Variants in EPC1 observed in about 807,000 individuals in gnomAD.
The protein encoded by EPC1 is enhancer of polycomb 1, also known as enhancer of polycomb homolog 1.
Under a neutral mutation model 98.4 loss-of-function variants are expected in EPC1, and 12 were observed. The observed-to-expected ratio is 0.12, with a 90% CI of 0.08 to 0.20. The LOEUF (loss-of-function observed/expected upper bound fraction) is 0.20, where lower values mean the gene tolerates loss of function less well. Among genes scored for constraint, EPC1 ranks in the 10% least tolerant of loss-of-function variants. EPC1 has a pLI of 1.00. For missense variants in EPC1, 729 were observed against 990.5 expected (o/e 0.74, Z 3.54); for synonymous variants, 357 against 363.9 (o/e 0.98, Z 0.21).
chr10:32,320,315 A>G (rs1399666869), intron 1 of EPC1, among the ~76,000 whole-genome samples: 1 of 152,164 alleles, frequency 6.6e-6, no homozygotes, highest in Non-Finnish European at 1.5e-5. Flanking sequence ...CTTACAAGTC[A>G]GTGAAAGTCT....
intron 10 of EPC1, among the ~76,000 whole-genome samples, chr10:32,275,017 A>G (rs945125509): frequency 6.6e-6 from 1 of 152,182 alleles, no homozygotes; most frequent in African/African-American, 2.4e-5. Flanking sequence ...TGGCTTTTCT[A>G]GTAGGGAATG....
intron 1 of EPC1, among the ~76,000 whole-genome samples, chr10:32,373,351 G>T (rs1209666386): frequency 6.6e-6 from 1 of 152,072 alleles, no homozygotes; most frequent in Non-Finnish European, 1.5e-5. Context: ...TTTAAAATTA[G>T]CCCACAAGTG....
chr10:32,273,329 G>A (rs1338598817), intron 10 of EPC1, 48 bp from the exon 11 acceptor site: 2 of 1,590,922 alleles, frequency 1.3e-6, no homozygotes, highest in East Asian at 4.5e-5. Flanking sequence ...CAGCTGTCAT[G>A]TATGTCTTAC....
chr10:32,352,764 T>A (rs1159355004), intron 1 of EPC1, among the ~76,000 whole-genome samples: 1 of 152,212 alleles, frequency 6.6e-6, no homozygotes, highest in Admixed American at 6.5e-5. Context: ...TATCTCAATT[T>A]TCGTGACAGC....
intron 1 of EPC1, among the ~76,000 whole-genome samples, chr10:32,312,865 AAAGAC>A (rs1361964156): frequency 6.6e-6 from 1 of 152,226 alleles, no homozygotes; most frequent in Non-Finnish European, 1.5e-5. Flanking sequence ...GCAAAATGGT[AAAGAC>A]AAGAAACAAA....
intron 1 of EPC1, among the ~76,000 whole-genome samples, chr10:32,354,695 A>G (rs1057146274): frequency 4.0e-5 from 6 of 151,114 alleles, no homozygotes; most frequent in African/African-American, 1.5e-4. Flanking sequence ...TAAATGTGTA[A>G]TGTGTAACTG....
At chr10:32,340,802 C>T (rs747896825) in intron 1 of EPC1, among the ~76,000 whole-genome samples, 6 of 152,000 alleles carry the variant, frequency 3.9e-5, no homozygotes, top group Non-Finnish European at 5.9e-5. Flanking sequence ...TGCTCTCCAG[C>T]CTGGGTGACA....
At chr10:32,325,955 C>T (rs1374322060) in intron 1 of EPC1, among the ~76,000 whole-genome samples, 2 of 151,952 alleles carry the variant, frequency 1.3e-5, no homozygotes, top group East Asian at 3.8e-4. Context: ...AAAGTCTGAC[C>T]AAATCATGGT....
intron 1 of EPC1, among the ~76,000 whole-genome samples, chr10:32,369,585 C>T (rs79062629): frequency 0.027 from 4,128 of 152,196 alleles, 193 homozygotes; most frequent in African/African-American, 0.094. Flanking sequence ...TAGGTCATAA[C>T]GGTTCTTTTA....
chr10:32,272,021 C>A lies in EPC1; in HGVS notation c.2005+5G>T. On this transcript the variant is annotated splice_donor_5th_base_variant and intron_variant, in intron 12 of 13. Coordinates refer to ENST00000319778, the MANE Select transcript of EPC1 (RefSeq NM_001272004.3). ...CCCAAACAATTTAAATGTCTTTATTCTTACCTGAGGCTGGAAGGACGCCAT... is the reference window on the plus strand; with the variant it reads ...CCCAAACAATTTAAATGTCTTTATTATTACCTGAGGCTGGAAGGACGCCAT... The A allele has an allele frequency of 6.2e-7, 1 of 1,609,086 alleles. No homozygotes were observed. Among genetic ancestry groups the A allele is most frequent in the South Asian group, 1.1e-5 (1 of 89,880 alleles).
At chr10:32,359,258 A>G (rs1454937396) in intron 1 of EPC1, among the ~76,000 whole-genome samples, 1 of 152,198 alleles carries the variant, frequency 6.6e-6, no homozygotes, top group African/African-American at 2.4e-5. Flanking sequence ...ACTGTCTTAA[A>G]ATGTTTCATC....
Position 32,369,440 on chromosome 10 carries a change from G to A in EPC1, c.3+9051C>T, listed in dbSNP as rs543842547. ...ATACAGTAAATATAAATAAGGCTCA[G>A]TACACCCCATCAGTGTCTCAAACAA... is the stretch of plus-strand genomic sequence containing the variant. On this transcript the variant is annotated intron_variant, in intron 1 of 13. Coordinates refer to the EPC1 transcript ENST00000375110. 9.2e-5 allele frequency among the ~76,000 whole-genome samples: 14 copies of A among 152,124 alleles called. 1 individual carries two copies. The South Asian group carries it at 1.5e-3, about 16-fold the overall frequency.
intron 1 of EPC1, among the ~76,000 whole-genome samples, chr10:32,362,101 G>A (rs1037242009): frequency 7.9e-5 from 12 of 152,144 alleles, no homozygotes; most frequent in African/African-American, 2.7e-4. Flanking sequence ...AGCCCTCGGG[G>A]CTGCTCTGTG....
intron 10 of EPC1, among the ~76,000 whole-genome samples, chr10:32,275,336 A>G (rs1188100058): frequency 1.3e-5 from 2 of 152,264 alleles, no homozygotes; most frequent in Non-Finnish European, 2.9e-5. Context: ...AGACTTGGAA[A>G]TAAAAATGCA....
At chr10:32,375,484 T>A (rs778767601) in intron 1 of EPC1, among the ~76,000 whole-genome samples, 5 of 152,100 alleles carry the variant, frequency 3.3e-5, no homozygotes, top group Non-Finnish European at 5.9e-5. Flanking sequence ...TACATTGTCT[T>A]AATATAATTT....
intron 1 of EPC1, among the ~76,000 whole-genome samples, chr10:32,369,689 A>G (rs952070787): frequency 6.6e-6 from 1 of 152,220 alleles, no homozygotes; most frequent in Non-Finnish European, 1.5e-5. Context: ...CTATTTAAGA[A>G]CACTTGACCT....
At chr10:32,272,902 A>C in intron 11 of EPC1, 3 of 795,096 alleles carry the variant, frequency 3.8e-6, no homozygotes, top group Non-Finnish European at 6.2e-6. Flanking sequence ...TTCAAGAGGT[A>C]CATTAATGGA....
intron 1 of EPC1, among the ~76,000 whole-genome samples, chr10:32,365,129 A>G (rs549362964): frequency 6.6e-6 from 1 of 152,308 alleles, no homozygotes; most frequent in East Asian, 1.9e-4. Flanking sequence ...ATGGCCTATT[A>G]GTTAGTAATT....
intron 1 of EPC1, among the ~76,000 whole-genome samples, chr10:32,368,558 G>T (rs560925453): frequency 1.3e-5 from 2 of 152,140 alleles, no homozygotes; most frequent in East Asian, 1.9e-4. Context: ...TTTTGTTTTG[G>T]TTTGGTTTTT....
Sources: gnomAD v4.1 joint callset for allele counts (sites outside exome capture counted in the v4.1 genomes callset) on GRCh38, gnomAD v4.1.1 for gene constraint, MANE v1.5 for transcripts, NCBI Gene and HGNC (gene_info 2026-07-23, HGNC 2026-07-21) for gene names.